The following BRINP3 variants were observed in gnomAD, a reference collection of about 807,000 sequenced individuals.
BRINP3 encodes BMP/retinoic acid-inducible neural-specific protein 3.
A neutral mutation model predicts 71.0 loss-of-function variants in BRINP3; 19 were observed. That is an observed-to-expected ratio of 0.27 (90% CI 0.19 to 0.39). The LOEUF (loss-of-function observed/expected upper bound fraction) is 0.39, where lower values mean the gene tolerates loss of function less well. Ranked by LOEUF, BRINP3 falls within the 10% of genes least tolerant of loss-of-function variation. BRINP3 has a pLI of 1.00. For missense variants in BRINP3, 959 were observed against 940.8 expected (o/e 1.02, Z -0.25); for synonymous variants, 380 against 337.7 (o/e 1.13, Z -1.37).
chr1:190,259,221 TATAGGCATACCA>T (rs1167798161), intron 4 of BRINP3, among the ~76,000 whole-genome samples: 1 of 151,266 alleles, frequency 6.6e-6, no homozygotes, highest in Non-Finnish European at 1.5e-5. Flanking sequence ...CCACTTTGAA[TATAGGCATACCA>T]ATCCTCAGCA....
chr1:190,198,404 C>T (rs1399029921), intron 6 of BRINP3, among the ~76,000 whole-genome samples: 1 of 152,168 alleles, frequency 6.6e-6, no homozygotes, highest in Non-Finnish European at 1.5e-5. Flanking sequence ...CATCATCAGG[C>T]TGCAAATTTT....
intron 4 of BRINP3, among the ~76,000 whole-genome samples, chr1:190,248,069 A>T (rs1659774719): frequency 6.6e-6 from 1 of 151,904 alleles, no homozygotes; most frequent in African/African-American, 2.4e-5. Flanking sequence ...TTTCTTTTTT[A>T]TTCTGGTTTC....
intron 2 of BRINP3, among the ~76,000 whole-genome samples, chr1:190,331,105 A>C (rs1666934429): frequency 6.6e-6 from 1 of 152,008 alleles, no homozygotes; most frequent in African/African-American, 2.4e-5. Flanking sequence ...AAAGCAAAAT[A>C]AAATTTAAAA....
At chr1:190,306,667 T>A (rs191388504) in intron 2 of BRINP3, among the ~76,000 whole-genome samples, 1 of 151,802 alleles carries the variant, frequency 6.6e-6, no homozygotes, top group African/African-American at 2.4e-5. Context: ...TGGATCAGTT[T>A]TTTTTTTAAT....
intron 3 of BRINP3, among the ~76,000 whole-genome samples, chr1:190,269,587 G>A (rs1476179810): frequency 1.3e-5 from 2 of 151,920 alleles, no homozygotes; most frequent in Non-Finnish European, 1.5e-5. Flanking sequence ...AGAAAAACAG[G>A]AATAAATAGG....
intron 2 of BRINP3, among the ~76,000 whole-genome samples, chr1:190,439,018 CTGATT>C (rs1674646260): frequency 6.6e-6 from 1 of 151,818 alleles, no homozygotes. Context: ...GAGCTCTTTT[CTGATT>C]TAAGTTTATT....
chr1:190,476,818 G>A (rs1276835514), intron 1 of BRINP3, among the ~76,000 whole-genome samples: 1 of 151,986 alleles, frequency 6.6e-6, no homozygotes, highest in Non-Finnish European at 1.5e-5. Context: ...AAAATACAAT[G>A]CCTAAAATAA....
intron 7 of BRINP3, among the ~76,000 whole-genome samples, chr1:190,137,459 A>G (rs1655070965): frequency 1.3e-5 from 2 of 151,768 alleles, no homozygotes; most frequent in Non-Finnish European, 2.9e-5. Context: ...AAAAAACCTG[A>G]AAAAATGCTT....
At chr1:190,430,733 G>T (rs891551803) in intron 2 of BRINP3, among the ~76,000 whole-genome samples, 1 of 152,212 alleles carries the variant, frequency 6.6e-6, no homozygotes, top group East Asian at 1.9e-4. Flanking sequence ...AAGCAGTGAT[G>T]GCATACTACA....
At chr1:190,166,895 T>C (rs1651595954) in intron 6 of BRINP3, among the ~76,000 whole-genome samples, 1 of 152,050 alleles carries the variant, frequency 6.6e-6, no homozygotes, top group African/African-American at 2.4e-5. Flanking sequence ...GGCTAGTTTT[T>C]TATATTTTTA....
intron 2 of BRINP3, among the ~76,000 whole-genome samples, chr1:190,435,260 G>A (rs780453971): frequency 6.6e-6 from 1 of 152,070 alleles, no homozygotes; most frequent in South Asian, 2.1e-4. Flanking sequence ...TAGACTACCA[G>A]CCAGAATGTG....
intron 1 of BRINP3, among the ~76,000 whole-genome samples, chr1:190,469,623 C>G (rs1676995274): frequency 6.6e-6 from 1 of 150,852 alleles, no homozygotes; most frequent in Admixed American, 6.6e-5. Flanking sequence ...GCTGACGTTT[C>G]AAACCATCAG....
At chr1:190,379,422 A>G (rs1399105396) in intron 2 of BRINP3, among the ~76,000 whole-genome samples, 3 of 152,140 alleles carry the variant, frequency 2.0e-5, no homozygotes, top group African/African-American at 7.2e-5. Flanking sequence ...GCTTGAGATT[A>G]TTGCTATGGA....
chr1:190,340,038 A>C (rs1667552557), intron 2 of BRINP3, among the ~76,000 whole-genome samples: 1 of 151,994 alleles, frequency 6.6e-6, no homozygotes, highest in African/African-American at 2.4e-5. Context: ...AGTATCAAAA[A>C]GAGGAAAGAA....
intron 7 of BRINP3, among the ~76,000 whole-genome samples, chr1:190,158,864 A>AGG (rs1553251394): frequency 6.7e-6 from 1 of 150,150 alleles, no homozygotes; most frequent in Admixed American, 6.6e-5. Flanking sequence ...GACCACAGGG[A>AGG]GGGGGAGAGA....
chr1:190,339,697 T>C (rs1667528614), intron 2 of BRINP3, among the ~76,000 whole-genome samples: 1 of 151,904 alleles, frequency 6.6e-6, no homozygotes, highest in Non-Finnish European at 1.5e-5. Context: ...TTAAAAAATA[T>C]TAAAACAAGC....
chr1:190,243,146 G>T (rs1006422850), intron 4 of BRINP3, among the ~76,000 whole-genome samples: 22 of 152,026 alleles, frequency 1.4e-4, no homozygotes, highest in Non-Finnish European at 4.4e-5. Context: ...GTTTTCTAAG[G>T]TTCTTAAATT....
chr1:190,396,352 A>G lies in BRINP3; in HGVS notation c.236+58303T>C, dbSNP rs192333962. 4.6e-5 allele frequency among the ~76,000 whole-genome samples: 7 copies of G among 151,948 alleles called. No homozygotes were observed. The East Asian group carries it at 1.4e-3, about 30-fold the overall frequency. ...GTTTACAGTACATATGTATACAAAG[A>G]AAGCAAAACACTATCATCCTCAGTA... is the stretch of plus-strand genomic sequence containing the variant. On this transcript the variant is annotated intron_variant, in intron 2 of 7. Transcript: ENST00000367462.
At chr1:190,377,548 A>T (rs998791253) in intron 2 of BRINP3, among the ~76,000 whole-genome samples, 5 of 146,104 alleles carry the variant, frequency 3.4e-5, no homozygotes, top group Admixed American at 1.4e-4. Context: ...CAGAGGAAAT[A>T]ATATATATAT....
Sources: allele counts gnomAD v4.1 joint callset (sites outside exome capture counted in the v4.1 genomes callset), GRCh38; gene constraint gnomAD v4.1.1; transcripts MANE v1.5; gene names NCBI Gene and HGNC (gene_info 2026-07-23, HGNC 2026-07-21).